The following LRP1B variants were observed in gnomAD, a reference collection of about 807,000 sequenced individuals.
LRP1B encodes LDL receptor related protein 1B.
LRP1B carries 217 observed loss-of-function variants against 556.6 expected under a neutral mutation model. That is an observed-to-expected ratio of 0.39 (90% CI 0.35 to 0.44). The LOEUF (loss-of-function observed/expected upper bound fraction) is 0.44, where lower values mean the gene tolerates loss of function less well. Ranked by LOEUF, LRP1B falls within the 20% of genes least tolerant of loss-of-function variation. LRP1B has a pLI of 1.00. For synonymous variants in LRP1B, 2,047 were observed against 1,865.8 expected (o/e 1.10, Z -2.50); for missense variants, 5,053 against 5,620.8 (o/e 0.90, Z 3.23).
At chr2:141,921,658 T>C (rs547210328) in intron 1 of LRP1B, among the ~76,000 whole-genome samples, 2 of 152,174 alleles carry the variant, frequency 1.3e-5, no homozygotes, top group Non-Finnish European at 2.9e-5. Flanking sequence ...AGAAGTATGC[T>C]TTAAATTTTT....
chr2:141,861,793 G>C (rs1217812186), intron 1 of LRP1B, among the ~76,000 whole-genome samples: 1 of 152,110 alleles, frequency 6.6e-6, no homozygotes, highest in Non-Finnish European at 1.5e-5. Flanking sequence ...AGCCGGGCAT[G>C]ATGGCAGGTG....
chr2:141,503,411 G>A (rs1231409052), intron 2 of LRP1B, among the ~76,000 whole-genome samples: 1 of 151,514 alleles, frequency 6.6e-6, no homozygotes, highest in Admixed American at 6.6e-5. Flanking sequence ...CCAACCGTTG[G>A]TGATATAAGA....
At position 141,161,236 on chromosome 2, in the gene LRP1B, T is replaced by G. The variant is rs75985359; in HGVS notation, c.1013+27185A>C. ...TTACATATACCTCATGAAACAAACA[T>G]GGGATCCTTTCAGTACTGCTCATAG... On this transcript the variant is annotated intron_variant, in intron 7 of 90. Transcript: ENST00000389484. Among the ~76,000 whole-genome samples the G allele has an allele frequency of 9.3e-3, 1,412 of 152,236 alleles. 12 individuals carry two copies. The highest frequency in any genetic ancestry group is 0.041 in the Middle Eastern group (12 of 294).
At chr2:140,973,358 A>G (rs1252590327) in intron 18 of LRP1B, among the ~76,000 whole-genome samples, 2 of 152,062 alleles carry the variant, frequency 1.3e-5, no homozygotes, top group Admixed American at 1.3e-4. Context: ...AGAAGACATC[A>G]GTACTATGAT....
chr2:141,071,457 G>A (rs1574044077), intron 7 of LRP1B, among the ~76,000 whole-genome samples: 1 of 152,136 alleles, frequency 6.6e-6, no homozygotes, highest in Non-Finnish European at 1.5e-5. Context: ...AGACAGGGAT[G>A]CCCTCTCTCA....
intron 41 of LRP1B, among the ~76,000 whole-genome samples, chr2:140,680,256 A>G (rs1489866441): frequency 6.6e-6 from 1 of 152,180 alleles, no homozygotes; most frequent in Non-Finnish European, 1.5e-5. Context: ...TCCCACACGT[A>G]GGCATGGAGC....
At chr2:141,694,112 C>G (rs1214592373) in intron 2 of LRP1B, among the ~76,000 whole-genome samples, 1 of 152,052 alleles carries the variant, frequency 6.6e-6, no homozygotes, top group African/African-American at 2.4e-5. Flanking sequence ...TGCCATTTCT[C>G]TCCCTTTCTC....
intron 2 of LRP1B, among the ~76,000 whole-genome samples, chr2:141,754,374 AT>A (rs1226010324): frequency 6.6e-6 from 1 of 152,186 alleles, no homozygotes; most frequent in Non-Finnish European, 1.5e-5. Flanking sequence ...AGATTTGGAA[AT>A]GCATGGATTA....
intron 72 of LRP1B, among the ~76,000 whole-genome samples, chr2:140,361,029 C>A (rs994069532): frequency 6.6e-6 from 1 of 151,192 alleles, no homozygotes; most frequent in African/African-American, 2.4e-5. Flanking sequence ...GATGTAACTA[C>A]CTTTTCCCTA....
intron 86 of LRP1B, among the ~76,000 whole-genome samples, chr2:140,264,702 ATGTGTGTGTGTGTGTG>A (rs3033314): frequency 0.045 from 6,641 of 148,960 alleles, 189 homozygotes; most frequent in African/African-American, 0.081. Flanking sequence ...TTGTCTATAT[ATGTGTGTGTGTGTGTG>A]TGTGTGTGTG....
intron 1 of LRP1B, among the ~76,000 whole-genome samples, chr2:142,052,394 A>G (rs1244066567): frequency 2.0e-5 from 3 of 152,098 alleles, no homozygotes; most frequent in Non-Finnish European, 2.9e-5. Context: ...GAAAACCTAT[A>G]TGGTACCTGC....
intron 5 of LRP1B, 148 bp from the exon 6 acceptor site, chr2:141,229,588 G>A (rs1197690851): frequency 1.6e-6 from 1 of 607,418 alleles, no homozygotes; most frequent in Admixed American, 3.6e-5. Flanking sequence ...TAAGTCATAT[G>A]TATACTTCAC....
chr2:141,020,169 T>A (rs1378611153), intron 11 of LRP1B, 67 bp from the exon 12 acceptor site: 1 of 972,478 alleles, frequency 1.0e-6, no homozygotes, highest in Non-Finnish European at 1.4e-6. Flanking sequence ...TGTTCACTAC[T>A]AATAGCTACC....
rs554823622 is a variant in LRP1B, at chr2:141,894,962, C to T, written c.83-84561G>A. ...ACTTGGGTGGCTGAGGCAAGAGAAT[C>T]GCCTGAACCCAAGAGGCGGAGGTTG... On this transcript the variant is annotated intron_variant, in intron 1 of 90. Coordinates refer to ENST00000389484, the MANE Select transcript of LRP1B (RefSeq NM_018557.3). Among the ~76,000 whole-genome samples, 75 of 150,036 alleles carry T rather than the reference C, an allele frequency of 5.0e-4. 1 individual carries two copies. Among genetic ancestry groups the T allele is most frequent in the African/African-American group, 1.8e-3 (72 of 40,928 alleles).
chr2:141,299,925 G>A lies in LRP1B; in HGVS notation c.344-45284C>T, dbSNP rs112435891. ...GTTTGTGTCCAGCCAAATTTCATAT[G>A]TTGAAATCCTAACCTCCAATATGAT... On this transcript the variant is annotated intron_variant, in intron 3 of 90. Transcript: ENST00000389484. 4.0e-4 allele frequency among the ~76,000 whole-genome samples: 61 copies of A among 152,190 alleles called. 1 individual carries two copies. Among genetic ancestry groups the A allele is most frequent in the Non-Finnish European group, 6.0e-4 (41 of 68,026 alleles).
chr2:140,766,291 TTCTC>T lies in LRP1B; in HGVS notation c.5758+2918_5758+2921del, dbSNP rs34263614. On this transcript the variant is annotated intron_variant, in intron 35 of 90. Transcript: ENST00000389484. ...TCTGAGGAACAATCCAGGTTTTCCT[TTCTC>T]TCTCTCTCTAATTTCCCTCCAAGAA... 3.4e-3 allele frequency among the ~76,000 whole-genome samples: 512 copies of T among 151,772 alleles called. 7 individuals are homozygous for T. The highest frequency in any genetic ancestry group is 0.012 in the African/African-American group (478 of 41,454).
chr2:140,356,942 T>A lies in LRP1B; in HGVS notation c.11396-466A>T, dbSNP rs181929447. On this transcript the variant is annotated intron_variant, in intron 74 of 90. Coordinates refer to ENST00000389484, the MANE Select transcript of LRP1B (RefSeq NM_018557.3). ...AAGTTACTCAAGCAAGTTGTCTAAA[T>A]CAGCAGTTTAAATTTCATTTTTTTA... Among the ~76,000 whole-genome samples the A allele has an allele frequency of 4.7e-4, 71 of 151,920 alleles. 1 individual carries two copies. Among genetic ancestry groups the A allele is most frequent in the South Asian group, 2.7e-3 (13 of 4,822 alleles).
intron 66 of LRP1B, among the ~76,000 whole-genome samples, chr2:140,424,859 G>C (rs996143181): frequency 1.3e-5 from 2 of 152,340 alleles, no homozygotes; most frequent in African/African-American, 4.8e-5. Flanking sequence ...CAAGGATAAA[G>C]AGAGCTTCTC....
rs138281282 is a variant in LRP1B, at chr2:141,559,188, T to A, written c.206-78655A>T. On this transcript the variant is annotated intron_variant, in intron 2 of 90. Coordinates refer to ENST00000389484, the MANE Select transcript of LRP1B (RefSeq NM_018557.3). ...TCCATCACTATTATGTTTCTTTCAT[T>A]TCTTAAATTTAAAATTTTTTACTTG... Among the ~76,000 whole-genome samples the A allele has an allele frequency of 2.0e-5, 3 of 151,824 alleles. No individual in the cohort carries two copies. The East Asian group carries it at 5.8e-4, about 29-fold the overall frequency.
Sources: allele counts gnomAD v4.1 joint callset (sites outside exome capture counted in the v4.1 genomes callset), GRCh38; gene constraint gnomAD v4.1.1; transcripts MANE v1.5; gene names NCBI Gene and HGNC (gene_info 2026-07-23, HGNC 2026-07-21).